ASTN1: variants seen among roughly 807,000 people sequenced by gnomAD.
The protein encoded by ASTN1 is astrotactin-1.
A neutral mutation model predicts 140.7 loss-of-function variants in ASTN1; 41 were observed. That is an observed-to-expected ratio of 0.29 (90% CI 0.23 to 0.38). The LOEUF is 0.38. Ranked by LOEUF, ASTN1 falls within the 10% of genes least tolerant of loss-of-function variation. ASTN1 has a pLI of 1.00. For synonymous variants in ASTN1, 640 were observed against 652.2 expected, an observed-to-expected ratio of 0.98 and a Z score of 0.29; for missense variants, 1,479 against 1,678.8, an observed-to-expected ratio of 0.88 and a Z score of 2.08.
At chr1:176,932,455 T>C (rs1202473814) in intron 16 of ASTN1, among the ~76,000 whole-genome samples, 1 of 152,142 alleles carries the variant, frequency 6.6e-6, no homozygotes, top group Non-Finnish European at 1.5e-5. Context: ...AGAAATATAT[T>C]TAAAGAACCA....
In ASTN1 at chr1:176,861,275, T is replaced by C; in HGVS notation, c.*3009A>G. On this transcript the variant is annotated 3_prime_UTR_variant, in exon 23 of 23. Transcript: ENST00000361833. Reference sequence around the variant, plus strand: ...AGAAGTGTAGTTAACTAAAAAATAATGAACGGACCAAACTCCATGGAAAAC... The same window carrying C: ...AGAAGTGTAGTTAACTAAAAAATAACGAACGGACCAAACTCCATGGAAAAC... The C allele has an allele frequency of 1.0e-6, 1 of 985,584 alleles. No individual in the cohort carries two copies. Among genetic ancestry groups the C allele is most frequent in the Non-Finnish European group, 1.2e-6 (1 of 829,662 alleles). 61.1% of individuals were successfully genotyped at this position (985,584 alleles called of 1,614,324 possible). A position where few individuals can be genotyped will look rare whatever the true frequency, so the allele number is the denominator to read the frequency against.
At chr1:176,867,060 G>A (rs1049669314) in intron 22 of ASTN1, among the ~76,000 whole-genome samples, 4 of 152,228 alleles carry the variant, frequency 2.6e-5, no homozygotes, top group East Asian at 1.9e-4. Flanking sequence ...CTCCTGGGAG[G>A]AGAGTGTGCA....
intron 1 of ASTN1, among the ~76,000 whole-genome samples, chr1:177,131,991 T>C (rs1681965958): frequency 6.6e-6 from 1 of 152,180 alleles, no homozygotes; most frequent in Non-Finnish European, 1.5e-5. Context: ...AAACACCTCC[T>C]ACCAGGTCCC....
chr1:176,862,799 C>T lies in ASTN1; in HGVS notation c.*1485G>A. On this transcript the variant is annotated 3_prime_UTR_variant, in exon 23 of 23. Coordinates refer to ENST00000361833, the MANE Select transcript of ASTN1 (RefSeq NM_004319.3). The stretch of plus-strand genomic sequence containing the variant: ...ACATCAGCGCCTGGCATACAGCAAG[C>T]ACTCAATAAATGTTATCTGTCACTA... 1 of 984,416 alleles carries T rather than the reference C, an allele frequency of 1.0e-6. No individual in the cohort carries two copies. The highest frequency in any genetic ancestry group is 1.2e-6 in the Non-Finnish European group (1 of 829,016). The allele number at this position is 984,416 out of a possible 1,614,324, so 61.0% of individuals were successfully genotyped here.
chr1:176,936,596 C>G (rs1465709543), intron 14 of ASTN1, among the ~76,000 whole-genome samples: 1 of 152,150 alleles, frequency 6.6e-6, no homozygotes, highest in African/African-American at 2.4e-5. Context: ...TATATTAAGC[C>G]ATTTGATCCT....
chr1:177,147,475 A>G lies in ASTN1; in HGVS notation c.283+16919T>C, dbSNP rs186454163. Among the ~76,000 whole-genome samples the G allele has an allele frequency of 1.3e-3, 192 of 152,346 alleles. 1 individual carries two copies. Among genetic ancestry groups the G allele is most frequent in the Admixed American group, 9.2e-3 (141 of 15,308 alleles). Reference sequence around the variant, plus strand: ...AGAAGAAAATTATTTTAGAATTAGAATATTACCAAGGAATATGAGTGCATG... The same window carrying G: ...AGAAGAAAATTATTTTAGAATTAGAGTATTACCAAGGAATATGAGTGCATG... On this transcript the variant is annotated intron_variant, in intron 1 of 22. Transcript: ENST00000361833.
At chr1:177,100,021 G>A (rs1055396887) in intron 1 of ASTN1, among the ~76,000 whole-genome samples, 12 of 152,158 alleles carry the variant, frequency 7.9e-5, no homozygotes, top group African/African-American at 2.7e-4. Flanking sequence ...GAGGTGTTAA[G>A]AGTTAAGTGA....
At chr1:177,023,997 C>A (rs1022260616) in intron 6 of ASTN1, among the ~76,000 whole-genome samples, 7 of 152,230 alleles carry the variant, frequency 4.6e-5, no homozygotes, top group Non-Finnish European at 8.8e-5. Flanking sequence ...ACAGTCCCCA[C>A]CTGTTTCCAG....
chr1:176,960,832 G>GA (rs1415550906), intron 9 of ASTN1, among the ~76,000 whole-genome samples: 13 of 152,024 alleles, frequency 8.6e-5, no homozygotes, highest in African/African-American at 3.1e-4. Flanking sequence ...TTCTTTGCCT[G>GA]ACTTCTAATC....
At chr1:176,971,703 A>G (rs1360944672) in intron 8 of ASTN1, among the ~76,000 whole-genome samples, 3 of 152,180 alleles carry the variant, frequency 2.0e-5, no homozygotes, top group Non-Finnish European at 2.9e-5. Context: ...CTCACCAGAT[A>G]TAAAGGACCT....
chr1:176,927,290 C>T (rs1671012464), intron 16 of ASTN1, among the ~76,000 whole-genome samples: 1 of 152,086 alleles, frequency 6.6e-6, no homozygotes, highest in Non-Finnish European at 1.5e-5. Context: ...GAAGAGCTTG[C>T]TTATTACAAT....
At chr1:177,006,698 T>G (rs1348320261) in intron 8 of ASTN1, among the ~76,000 whole-genome samples, 1 of 152,112 alleles carries the variant, frequency 6.6e-6, no homozygotes, top group African/African-American at 2.4e-5. Flanking sequence ...GGAGGAAATA[T>G]GAGTGTTCCC....
At chr1:177,020,584 G>A (rs1056115404) in intron 7 of ASTN1, among the ~76,000 whole-genome samples, 4 of 152,156 alleles carry the variant, frequency 2.6e-5, no homozygotes, top group Non-Finnish European at 5.9e-5. Flanking sequence ...AAATCTCCCT[G>A]TTTTAAAGCC....
chr1:176,890,922 G>A (rs926581941), intron 17 of ASTN1, among the ~76,000 whole-genome samples: 3 of 152,154 alleles, frequency 2.0e-5, no homozygotes, highest in Non-Finnish European at 4.4e-5. Context: ...AGCTACTCAG[G>A]AGGCTGAGGC....
At chr1:177,078,024 A>C (rs1327958065) in intron 1 of ASTN1, among the ~76,000 whole-genome samples, 1 of 152,214 alleles carries the variant, frequency 6.6e-6, no homozygotes, top group Non-Finnish European at 1.5e-5. Flanking sequence ...AGTCTGGGCC[A>C]TAAGAGCCAC....
Position 176,946,051 on chromosome 1 carries a change from C to T in ASTN1, c.2124G>A (p.Glu708=). 6.2e-7 allele frequency: 1 copy of T among 1,614,142 alleles called. No homozygotes were observed. The highest frequency in any genetic ancestry group is 1.3e-5 in the African/African-American group (1 of 75,062). ...CCCTGCTTTCCCCACAGTCACTTCC[C>T]TCTGGACAGGTCTCCGTGATGAGTT... The part of the protein sequence containing the change: ...SCQLITETCP[E]GSDCGESREL... Residue 708 remains glutamate, a synonymous_variant, in exon 13 of 23, where the codon GAG becomes GAA. Transcript: ENST00000361833.
chr1:176,957,593 T>C (rs541941691), intron 11 of ASTN1, 85 bp downstream of exon 11: 22 of 1,499,440 alleles, frequency 1.5e-5, no homozygotes, highest in East Asian at 2.3e-5. Context: ...AGCACATTTT[T>C]CCCTATGTAT....
chr1:176,874,288 TTCGAAAG>T, intron 21 of ASTN1, among the ~76,000 whole-genome samples: 1 of 152,172 alleles, frequency 6.6e-6, no homozygotes, highest in East Asian at 1.9e-4. Flanking sequence ...TGCAGAGACC[TTCGAAAG>T]TCATTCAGTC....
intron 2 of ASTN1, among the ~76,000 whole-genome samples, chr1:177,034,719 CAG>C (rs1676628158): frequency 6.6e-6 from 1 of 152,138 alleles, no homozygotes; most frequent in African/African-American, 2.4e-5. Flanking sequence ...ACCTGTATCT[CAG>C]AGTCAGTGCT....
Sources: gnomAD v4.1 joint callset for allele counts (sites outside exome capture counted in the v4.1 genomes callset) on GRCh38, gnomAD v4.1.1 for gene constraint, MANE v1.5 for transcripts, NCBI Gene and HGNC (gene_info 2026-07-23, HGNC 2026-07-21) for gene names.